Variants in NME8 observed in about 807,000 individuals in gnomAD.
The protein encoded by NME8 is protein NME8.
A neutral mutation model predicts 82.3 loss-of-function variants in NME8; 72 were observed. That is an observed-to-expected ratio of 0.87 (90% CI 0.72 to 1.06). The LOEUF (loss-of-function observed/expected upper bound fraction) is 1.06. Ranked by LOEUF, NME8 falls within the 50% of genes least tolerant of loss-of-function variation. NME8 has a pLI of 0.00. For missense variants in NME8, 712 were observed against 685.4 expected (o/e 1.04, Z -0.43); for synonymous variants, 267 against 228.5 (o/e 1.17, Z -1.52).
chr7:37,850,554 C>T (rs1435767663), intron 4 of NME8, 75 bp from the exon 5 acceptor site: 7 of 1,506,434 alleles, frequency 4.6e-6, no homozygotes, highest in Admixed American at 3.3e-5. Context: ...TTGCCCTGGC[C>T]ATGGCTCCAG....
Position 37,894,504 on chromosome 7 carries a change from C to A in NME8, c.1438C>A (p.Leu480Met). The change falls in exon 16 of 18, where the codon CTG becomes ATG. Residue 480 changes from leucine (L) to methionine (M), a missense_variant. Coordinates refer to ENST00000199447, the MANE Select transcript of NME8 (RefSeq NM_016616.5). ...GATAGTTAAGGAGGCTGGATTTGAT[C>A]TGACACAGGTGAAGAAAATGTTCCT... Reference protein sequence around the residue: ...LKIVKEAGFDLTQVKKMFLTP... With the variant: ...LKIVKEAGFDMTQVKKMFLTP... 1 of 1,613,112 alleles carries A rather than the reference C, an allele frequency of 6.2e-7. No homozygotes were observed. Among genetic ancestry groups the A allele is most frequent in the Non-Finnish European group, 8.5e-7 (1 of 1,179,360 alleles).
intron 5 of NME8, among the ~76,000 whole-genome samples, chr7:37,856,194 T>C (rs934781739): frequency 2.6e-5 from 4 of 152,200 alleles, no homozygotes; most frequent in Non-Finnish European, 5.9e-5. Flanking sequence ...TTGCCTTAGA[T>C]TACAAAAACC....
intron 11 of NME8, among the ~76,000 whole-genome samples, chr7:37,876,271 T>C (rs1326296001): frequency 6.6e-6 from 1 of 151,168 alleles, no homozygotes; most frequent in Admixed American, 6.6e-5. Flanking sequence ...ATAAATTATC[T>C]ATAATATATG....
chr7:37,854,510 G>A (rs955982992), intron 5 of NME8, among the ~76,000 whole-genome samples: 4 of 152,144 alleles, frequency 2.6e-5, no homozygotes, highest in African/African-American at 9.7e-5. Flanking sequence ...CTCTAAAAAT[G>A]TTTCTATGTG....
chr7:37,899,497 G>A (rs1340854065), intron 17 of NME8, among the ~76,000 whole-genome samples: 1 of 143,608 alleles, frequency 7.0e-6, no homozygotes, highest in Non-Finnish European at 1.5e-5. Flanking sequence ...TGGACACATG[G>A]GGGGAACAAC....
At chr7:37,851,727 A>G (rs1249626646) in intron 5 of NME8, among the ~76,000 whole-genome samples, 1 of 152,054 alleles carries the variant, frequency 6.6e-6, no homozygotes, top group Non-Finnish European at 1.5e-5. Flanking sequence ...TAATATATTT[A>G]TATTATATAG....
intron 15 of NME8, among the ~76,000 whole-genome samples, chr7:37,890,366 C>A (rs1785110593): frequency 6.6e-6 from 1 of 151,904 alleles, no homozygotes; most frequent in African/African-American, 2.4e-5. Flanking sequence ...TGTTTTGATA[C>A]ATGTACACAT....
chr7:37,855,028 A>G (rs764748445), intron 5 of NME8, among the ~76,000 whole-genome samples: 1 of 152,152 alleles, frequency 6.6e-6, no homozygotes. Flanking sequence ...GTTCTCTTCC[A>G]TAGCACTGAC....
At chr7:37,860,555 T>G (rs774015154) in intron 6 of NME8, among the ~76,000 whole-genome samples, 14 of 152,224 alleles carry the variant, frequency 9.2e-5, no homozygotes, top group Non-Finnish European at 1.8e-4. Flanking sequence ...CCTCTGTTCC[T>G]TTGGCAAATT....
At chr7:37,872,581 A>G (rs1331943182) in intron 11 of NME8, among the ~76,000 whole-genome samples, 1 of 152,238 alleles carries the variant, frequency 6.6e-6, no homozygotes, top group African/African-American at 2.4e-5. Flanking sequence ...TTTGAATTAT[A>G]AGTTCAGTGG....
chr7:37,870,782 A>G (rs1460780606), intron 11 of NME8, among the ~76,000 whole-genome samples: 1 of 151,882 alleles, frequency 6.6e-6, no homozygotes, highest in African/African-American at 2.4e-5. Context: ...TTTTTCTCCA[A>G]CTAATATACT....
At chr7:37,866,850 G>C (rs536163508) in intron 10 of NME8, among the ~76,000 whole-genome samples, 2 of 152,284 alleles carry the variant, frequency 1.3e-5, no homozygotes, top group African/African-American at 4.8e-5. Context: ...AGGGAGACAT[G>C]AGACATCAAT....
At chr7:37,892,748 C>T (rs1041100460) in intron 15 of NME8, among the ~76,000 whole-genome samples, 1 of 151,846 alleles carries the variant, frequency 6.6e-6, no homozygotes, top group East Asian at 1.9e-4. Context: ...TTCACATCTA[C>T]TTATTGCTTG....
intron 11 of NME8, among the ~76,000 whole-genome samples, chr7:37,871,854 T>A (rs1269811474): frequency 6.6e-6 from 1 of 152,124 alleles, no homozygotes; most frequent in African/African-American, 2.4e-5. Flanking sequence ...ATAGATACAA[T>A]TCCTAAAATA....
intron 6 of NME8, among the ~76,000 whole-genome samples, chr7:37,861,082 TC>T (rs1297739403): frequency 6.6e-6 from 1 of 152,036 alleles, no homozygotes; most frequent in South Asian, 2.1e-4. Context: ...TTTCTTTTGC[TC>T]CCCCCAGCAT....
chr7:37,893,568 T>A (rs969978060), intron 15 of NME8, among the ~76,000 whole-genome samples: 6 of 152,120 alleles, frequency 3.9e-5, no homozygotes, highest in Non-Finnish European at 8.8e-5. Flanking sequence ...CTTTCCCTAC[T>A]TGTCCACTTG....
At chr7:37,896,735 A>T in intron 16 of NME8, 135 bp from the exon 17 acceptor site, 1 of 742,720 alleles carries the variant, frequency 1.3e-6, no homozygotes, top group Non-Finnish European at 2.4e-6. Context: ...AAAAGAAAGT[A>T]CATGATTGCA....
At chr7:37,870,138 A>G (rs945795205) in intron 11 of NME8, among the ~76,000 whole-genome samples, 2 of 151,998 alleles carry the variant, frequency 1.3e-5, no homozygotes, top group African/African-American at 2.4e-5. Context: ...CAGATGGTCT[A>G]TAACAGGGGT....
At chr7:37,857,146 A>T (rs540579794) in intron 5 of NME8, 128 bp from the exon 6 acceptor site, 4 of 719,842 alleles carry the variant, frequency 5.6e-6, no homozygotes, top group East Asian at 2.8e-5. Flanking sequence ...CCCTAAAACC[A>T]CTAAGGCATA....
Sources: gnomAD v4.1 joint callset for allele counts (sites outside exome capture counted in the v4.1 genomes callset) on GRCh38, gnomAD v4.1.1 for gene constraint, MANE v1.5 for transcripts, NCBI Gene and HGNC (gene_info 2026-07-23, HGNC 2026-07-21) for gene names.